TESK2: variants seen among roughly 807,000 people sequenced by gnomAD.
TESK2 encodes the protein testis associated actin remodelling kinase 2.
TESK2 carries 39 observed loss-of-function variants against 57.1 expected under a neutral mutation model. That is an observed-to-expected ratio of 0.68 (90% CI 0.53 to 0.89). The LOEUF (loss-of-function observed/expected upper bound fraction) is 0.89. TESK2 is among the 40% of genes least tolerant of loss of function. TESK2 has a pLI of 0.00. For synonymous variants in TESK2, 249 were observed against 267.9 expected, an observed-to-expected ratio of 0.93 and a Z score of 0.69; for missense variants, 646 against 732.1, an observed-to-expected ratio of 0.88 and a Z score of 1.36.
Position 45,346,962 on chromosome 1 carries a change from C to G in TESK2, c.792+17G>C. Reference sequence around the variant, plus strand: ...CTAGCCCCATCAGTGGCAATGATCCCCATGCTTGCAGCTCACCTCTGTGCG... The same window carrying G: ...CTAGCCCCATCAGTGGCAATGATCCGCATGCTTGCAGCTCACCTCTGTGCG... On this transcript the variant is annotated intron_variant, in intron 8 of 10. Coordinates refer to ENST00000372086, the MANE Select transcript of TESK2 (RefSeq NM_007170.3). 6.2e-7 allele frequency: 1 copy of G among 1,613,596 alleles called. No individual in the cohort carries two copies. Among genetic ancestry groups the G allele is most frequent in the South Asian group, 1.1e-5 (1 of 91,060 alleles).
At chr1:45,370,917 A>G (rs1157721474) in intron 4 of TESK2, among the ~76,000 whole-genome samples, 2 of 152,198 alleles carry the variant, frequency 1.3e-5, no homozygotes, top group African/African-American at 2.4e-5. Context: ...TGTATTCAAA[A>G]GTGGTACTGG....
intron 4 of TESK2, among the ~76,000 whole-genome samples, chr1:45,369,606 G>A (rs1195061229): frequency 6.6e-6 from 1 of 152,202 alleles, no homozygotes; most frequent in East Asian, 1.9e-4. Flanking sequence ...CAAATGAGTG[G>A]TGGCAGTGGA....
chr1:45,364,198 A>G (rs1647811640), intron 4 of TESK2, among the ~76,000 whole-genome samples: 1 of 152,168 alleles, frequency 6.6e-6, no homozygotes, highest in Non-Finnish European at 1.5e-5. Flanking sequence ...AACCCTGGTA[A>G]GGTAACTATA....
At chr1:45,385,207 TA>T (rs1648840873) in intron 4 of TESK2, 1 of 267,118 alleles carries the variant, frequency 3.7e-6, no homozygotes, top group Non-Finnish European at 5.8e-6. Flanking sequence ...TAATAGGCCC[TA>T]TACAAACCTA....
intron 2 of TESK2, among the ~76,000 whole-genome samples, chr1:45,430,977 C>T (rs1650925677): frequency 6.6e-6 from 1 of 152,186 alleles, no homozygotes; most frequent in African/African-American, 2.4e-5. Context: ...GAGCTTATGG[C>T]CTAGAACCCA....
chr1:45,416,132 G>A (rs1305787731), intron 3 of TESK2, among the ~76,000 whole-genome samples: 1 of 133,680 alleles, frequency 7.5e-6, no homozygotes, highest in East Asian at 2.1e-4. Flanking sequence ...ACCCAGGCTG[G>A]AGTGAAGTGG....
At chr1:45,468,595 T>C (rs1383290660) in intron 1 of TESK2, among the ~76,000 whole-genome samples, 2 of 152,198 alleles carry the variant, frequency 1.3e-5, no homozygotes, top group Admixed American at 6.5e-5. Context: ...TTTATGATGG[T>C]TTCTGCCTCT....
intron 5 of TESK2, 73 bp from the exon 6 acceptor site, chr1:45,348,073 T>TCC (rs1278450046): frequency 2.0e-6 from 2 of 1,001,220 alleles, no homozygotes; most frequent in Non-Finnish European, 3.2e-6. Flanking sequence ...TACCACCCAT[T>TCC]CCCCCCTTCC....
intron 2 of TESK2, among the ~76,000 whole-genome samples, chr1:45,454,092 C>G (rs547956305): frequency 6.6e-6 from 1 of 152,042 alleles, no homozygotes; most frequent in Non-Finnish European, 1.5e-5. Flanking sequence ...ACAACCACTA[C>G]GGAAAACAGT....
intron 3 of TESK2, among the ~76,000 whole-genome samples, chr1:45,412,690 G>A (rs1375669853): frequency 6.6e-6 from 1 of 152,128 alleles, no homozygotes; most frequent in Non-Finnish European, 1.5e-5. Context: ...GTGAATTGAA[G>A]GAGTCTAAAA....
chr1:45,453,037 T>A (rs939664122), intron 2 of TESK2, among the ~76,000 whole-genome samples: 1 of 151,088 alleles, frequency 6.6e-6, no homozygotes. Context: ...CAAAGTGAGA[T>A]CCTGTCTCTA....
At chr1:45,486,489 A>G (rs992578418) in intron 1 of TESK2, among the ~76,000 whole-genome samples, 3 of 151,926 alleles carry the variant, frequency 2.0e-5, no homozygotes, top group Non-Finnish European at 2.9e-5. Flanking sequence ...CCTGGCCAAC[A>G]TGGTGAAACC....
At chr1:45,404,107 C>G in intron 3 of TESK2, among the ~76,000 whole-genome samples, 1 of 152,170 alleles carries the variant, frequency 6.6e-6, no homozygotes, top group Middle Eastern at 3.4e-3. Context: ...TAAATTTACA[C>G]CAAAGTAACA....
intron 2 of TESK2, among the ~76,000 whole-genome samples, chr1:45,453,785 A>G (rs1651966926): frequency 6.6e-6 from 1 of 152,200 alleles, no homozygotes; most frequent in African/African-American, 2.4e-5. Context: ...TGCAAATCAT[A>G]TATCTGGTAA....
chr1:45,433,121 G>A (rs1024618299), intron 2 of TESK2, among the ~76,000 whole-genome samples: 7 of 120,244 alleles, frequency 5.8e-5, no homozygotes, highest in Admixed American at 2.3e-4. Flanking sequence ...TGTCACTCAG[G>A]CTGGTTGCAG....
At chr1:45,437,526 T>C (rs1350660777) in intron 2 of TESK2, among the ~76,000 whole-genome samples, 1 of 152,226 alleles carries the variant, frequency 6.6e-6, no homozygotes, top group Non-Finnish European at 1.5e-5. Context: ...TTTTCCAATT[T>C]GGATGCCTTT....
chr1:45,347,475 A>T, intron 7 of TESK2, 134 bp downstream of exon 7: 1 of 795,644 alleles, frequency 1.3e-6, no homozygotes, highest in Non-Finnish European at 2.1e-6. Flanking sequence ...CTGAGGCAGG[A>T]GAATAGCTTG....
chr1:45,486,311 T>C (rs969642427), intron 1 of TESK2, among the ~76,000 whole-genome samples: 2 of 152,178 alleles, frequency 1.3e-5, no homozygotes, highest in African/African-American at 2.4e-5. Context: ...TACATTCTTT[T>C]TGCAAAACAA....
intron 4 of TESK2, 88 bp downstream of exon 4, chr1:45,385,824 G>T: frequency 1.1e-6 from 1 of 892,242 alleles, no homozygotes; most frequent in Non-Finnish European, 1.7e-6. Flanking sequence ...CATACATTTT[G>T]TTTACATATG....
Sources: gnomAD v4.1 joint callset for allele counts (sites outside exome capture counted in the v4.1 genomes callset) on GRCh38, gnomAD v4.1.1 for gene constraint, MANE v1.5 for transcripts, NCBI Gene and HGNC (gene_info 2026-07-23, HGNC 2026-07-21) for gene names.